Variants in POU6F2 observed in about 807,000 individuals in gnomAD.
POU6F2 encodes the protein POU domain, class 6, transcription factor 2.
Under a neutral mutation model 71.3 loss-of-function variants are expected in POU6F2, and 31 were observed. The observed-to-expected ratio is 0.43, with a 90% confidence interval of 0.33 to 0.59. The LOEUF is 0.59. POU6F2 is among the 20% of genes least tolerant of loss of function. The pLI is 0.04. For synonymous variants in POU6F2, 347 were observed against 355.7 expected (o/e 0.98, Z 0.27); for missense variants, 783 against 856.8 (o/e 0.91, Z 1.07).
At chr7:39,019,138 T>C (rs934235047) in intron 1 of POU6F2, among the ~76,000 whole-genome samples, 2 of 152,208 alleles carry the variant, frequency 1.3e-5, no homozygotes, top group Non-Finnish European at 2.9e-5. Flanking sequence ...AGAAAAAATC[T>C]GTAGATGGTA....
chr7:39,035,211 A>G (rs1790031392), intron 1 of POU6F2, among the ~76,000 whole-genome samples: 1 of 152,084 alleles, frequency 6.6e-6, no homozygotes, highest in Non-Finnish European at 1.5e-5. Flanking sequence ...TTTTGTGTTG[A>G]TATCTCAAGC....
At chr7:39,416,484 G>T (rs1422697995) in intron 6 of POU6F2, among the ~76,000 whole-genome samples, 1 of 152,162 alleles carries the variant, frequency 6.6e-6, no homozygotes, top group Non-Finnish European at 1.5e-5. Flanking sequence ...GAAGATTGCA[G>T]CTGAAGATTG....
At chr7:39,228,473 C>T (rs1794514271) in intron 4 of POU6F2, among the ~76,000 whole-genome samples, 1 of 152,168 alleles carries the variant, frequency 6.6e-6, no homozygotes, top group South Asian at 2.1e-4. Flanking sequence ...ATTTAAGCAA[C>T]CATTTGACAT....
chr7:39,277,928 G>A (rs187344133), intron 4 of POU6F2, among the ~76,000 whole-genome samples: 7 of 152,158 alleles, frequency 4.6e-5, no homozygotes, highest in South Asian at 2.1e-4. Context: ...GTGGTGGCAC[G>A]CGCCTGTAGT....
chr7:39,101,686 G>C (rs1791576870), intron 2 of POU6F2, among the ~76,000 whole-genome samples: 1 of 152,000 alleles, frequency 6.6e-6, no homozygotes, highest in African/African-American at 2.4e-5. Flanking sequence ...ATAATCATGT[G>C]TTGTATATTT....
chr7:39,168,385 C>A (rs906907036), intron 2 of POU6F2, among the ~76,000 whole-genome samples: 3 of 152,108 alleles, frequency 2.0e-5, no homozygotes, highest in Non-Finnish European at 4.4e-5. Flanking sequence ...TGTGTTGATT[C>A]TGGAAAACAG....
chr7:39,037,659 T>G (rs1170939071), intron 1 of POU6F2, among the ~76,000 whole-genome samples: 3 of 152,064 alleles, frequency 2.0e-5, no homozygotes, highest in Admixed American at 6.6e-5. Flanking sequence ...TATGTTTTCA[T>G]TTTTTTATTT....
At chr7:39,445,759 A>G (rs1315147582) in intron 7 of POU6F2, among the ~76,000 whole-genome samples, 1 of 152,236 alleles carries the variant, frequency 6.6e-6, no homozygotes, top group Non-Finnish European at 1.5e-5. Flanking sequence ...CCACAGTAGA[A>G]TGAATTCCTC....
chr7:39,033,601 T>G (rs773410263), intron 1 of POU6F2, among the ~76,000 whole-genome samples: 6 of 152,198 alleles, frequency 3.9e-5, no homozygotes, highest in Non-Finnish European at 7.3e-5. Flanking sequence ...CCTTTCCCCC[T>G]TCATAGAGAA....
intron 4 of POU6F2, among the ~76,000 whole-genome samples, chr7:39,327,086 T>C (rs1785516780): frequency 6.6e-6 from 1 of 152,160 alleles, no homozygotes; most frequent in Non-Finnish European, 1.5e-5. Context: ...GAGACCATCC[T>C]GGCTAACACT....
intron 5 of POU6F2, among the ~76,000 whole-genome samples, chr7:39,383,655 T>C (rs1457197175): frequency 6.6e-6 from 1 of 152,114 alleles, no homozygotes; most frequent in African/African-American, 2.4e-5. Context: ...TGCATGAAGG[T>C]GTCCACAATC....
At chr7:39,453,664 G>C (rs1375372187) in intron 8 of POU6F2, among the ~76,000 whole-genome samples, 1 of 152,210 alleles carries the variant, frequency 6.6e-6, no homozygotes, top group East Asian at 1.9e-4. Flanking sequence ...GGCAGTGAAG[G>C]ATTAGCCTTT....
At chr7:39,081,817 G>A (rs1419539708) in intron 1 of POU6F2, among the ~76,000 whole-genome samples, 1 of 152,150 alleles carries the variant, frequency 6.6e-6, no homozygotes, top group Admixed American at 6.5e-5. Flanking sequence ...CAAAATCTGG[G>A]ATACCCCATG....
At chr7:39,240,313 G>A (rs1783697751) in intron 4 of POU6F2, among the ~76,000 whole-genome samples, 1 of 152,094 alleles carries the variant, frequency 6.6e-6, no homozygotes. Context: ...ATAATCTAAA[G>A]AACTTTATGG....
intron 2 of POU6F2, among the ~76,000 whole-genome samples, chr7:39,098,257 T>C (rs916094164): frequency 3.3e-5 from 5 of 151,982 alleles, no homozygotes; most frequent in East Asian, 3.9e-4. Context: ...TTTATTTATT[T>C]ATTCATTCAT....
chr7:39,078,512 G>A (rs1791041961), intron 1 of POU6F2, among the ~76,000 whole-genome samples: 1 of 152,156 alleles, frequency 6.6e-6, no homozygotes, highest in Non-Finnish European at 1.5e-5. Flanking sequence ...ATGATACTAA[G>A]CAGCAAAATG....
In POU6F2 at chr7:39,015,903, A is replaced by ATTG. The variant is rs1562670866; in HGVS notation, c.105+37846_105+37847insTGT. 4.4e-5 allele frequency among the ~76,000 whole-genome samples: 2 copies of ATTG among 45,558 alleles called. 1 individual carries two copies. The highest frequency in any genetic ancestry group is 1.7e-4 in the African/African-American group (2 of 11,626). 29.9% of individuals were successfully genotyped at this position (45,558 alleles called of 152,430 possible). On this transcript the variant is annotated intron_variant, in intron 1 of 9. Transcript: ENST00000518318. ...TATATATTATATATTATATATAGAT[A>ATTG]TATATTATATATTATATATAGATAT...
intron 4 of POU6F2, among the ~76,000 whole-genome samples, chr7:39,217,058 C>T (rs1338299569): frequency 3.9e-5 from 6 of 151,942 alleles, no homozygotes; most frequent in African/African-American, 4.8e-5. Flanking sequence ...TTTTGAAATC[C>T]GAATACTTTC....
chr7:38,986,726 T>C (rs969837864), intron 1 of POU6F2, among the ~76,000 whole-genome samples: 1 of 152,122 alleles, frequency 6.6e-6, no homozygotes, highest in Non-Finnish European at 1.5e-5. Context: ...CAGAATAATA[T>C]AAAGTGGAAA....
Sources: allele counts gnomAD v4.1 joint callset (sites outside exome capture counted in the v4.1 genomes callset), GRCh38; gene constraint gnomAD v4.1.1; transcripts MANE v1.5; gene names NCBI Gene and HGNC (gene_info 2026-07-23, HGNC 2026-07-21).